The following IDE variants were observed in gnomAD, a reference collection of about 807,000 sequenced individuals.
IDE encodes the protein insulin degrading enzyme, also known as insulin-degrading enzyme.
In IDE, 58 loss-of-function variants were observed where a neutral mutation model predicts 133.2. The ratio of observed to expected loss-of-function variants is 0.44; its 90% CI spans 0.35 to 0.54. IDE has a LOEUF of 0.54. Ranked by LOEUF, IDE falls within the 20% of genes least tolerant of loss-of-function variation. The pLI, the probability that IDE is intolerant of heterozygous loss-of-function variation, is 0.00. For missense variants in IDE, 981 were observed against 1,234.0 expected (o/e 0.79, Z 3.07); for synonymous variants, 396 against 421.3 (o/e 0.94, Z 0.73).
chr10:92,490,528 A>C lies in IDE; in HGVS notation c.1498T>G (p.Tyr500Asp), dbSNP rs956031258. 6.2e-7 allele frequency: 1 copy of C among 1,612,100 alleles called. No individual in the cohort carries two copies. The highest frequency in any genetic ancestry group is 8.5e-7 in the Non-Finnish European group (1 of 1,178,278). ...TCATCCGGTATAGCTTCTTGTTTGTACTGGGTTCCATACCACTCTTCTGTG... is the reference window on the plus strand; with the variant it reads ...TCATCCGGTATAGCTTCTTGTTTGTCCTGGGTTCCATACCACTCTTCTGTG... ...DRTEEWYGTQ[Y>D]KQEAIPDEVI... Residue 500 changes from tyrosine (Y) to aspartate (D), a missense_variant, in exon 12 of 25, where the codon TAC becomes GAC. Tyr to Asp is a radical substitution (Grantham distance 160). Transcript: ENST00000265986.
chr10:92,493,764 T>C (rs1847512925), intron 11 of IDE, among the ~76,000 whole-genome samples: 1 of 152,154 alleles, frequency 6.6e-6, no homozygotes, highest in South Asian at 2.1e-4. Context: ...CAAAAAGAGA[T>C]ACCTTTGCAG....
intron 4 of IDE, among the ~76,000 whole-genome samples, chr10:92,531,255 C>T (rs541440678): frequency 2.6e-5 from 4 of 152,228 alleles, no homozygotes; most frequent in African/African-American, 9.6e-5. Context: ...CCTGTTATCC[C>T]CATTTCTTAT....
intron 1 of IDE, among the ~76,000 whole-genome samples, chr10:92,553,023 G>C (rs1842861977): frequency 2.0e-5 from 3 of 151,798 alleles, no homozygotes; most frequent in Non-Finnish European, 4.4e-5. Flanking sequence ...AACTCCTAAG[G>C]GTCCAAGCCA....
At chr10:92,482,344 G>A (rs2135421239) in intron 14 of IDE, among the ~76,000 whole-genome samples, 1 of 152,130 alleles carries the variant, frequency 6.6e-6, no homozygotes, top group East Asian at 1.9e-4. Context: ...ACACAAATAA[G>A]TAAAGGAAGA....
intron 5 of IDE, among the ~76,000 whole-genome samples, chr10:92,513,724 T>C (rs1848750652): frequency 6.6e-6 from 1 of 151,290 alleles, no homozygotes; most frequent in Non-Finnish European, 1.5e-5. Context: ...GAGAATATAT[T>C]AAGAATATCT....
chr10:92,534,182 G>A (rs12268712), intron 3 of IDE, among the ~76,000 whole-genome samples: 123 of 152,150 alleles, frequency 8.1e-4, no homozygotes, highest in African/African-American at 2.9e-3. Flanking sequence ...TGAAACAGCA[G>A]GTCAAAACGT....
chr10:92,518,721 T>C (rs1849055765), intron 4 of IDE, among the ~76,000 whole-genome samples: 1 of 152,200 alleles, frequency 6.6e-6, no homozygotes, highest in Non-Finnish European at 1.5e-5. Flanking sequence ...ACAAAAATTA[T>C]CAGAGGAATA....
At chr10:92,457,427 C>T (rs957955300) in intron 22 of IDE, among the ~76,000 whole-genome samples, 3 of 152,120 alleles carry the variant, frequency 2.0e-5, no homozygotes, top group Non-Finnish European at 4.4e-5. Context: ...TTACATGGGT[C>T]ACACAGTTCA....
intron 22 of IDE, among the ~76,000 whole-genome samples, chr10:92,458,603 G>C (rs932741070): frequency 1.4e-5 from 2 of 145,082 alleles, no homozygotes; most frequent in Non-Finnish European, 3.0e-5. Context: ...CTGGGTTCAA[G>C]TGATTCTCCT....
intron 1 of IDE, among the ~76,000 whole-genome samples, chr10:92,543,626 CAAAT>C (rs1429593830): frequency 6.6e-6 from 1 of 152,138 alleles, no homozygotes; most frequent in Admixed American, 6.5e-5. Flanking sequence ...TTATGATCAA[CAAAT>C]AAACCCTTAA....
At chr10:92,509,471 T>C (rs1848472700) in intron 6 of IDE, among the ~76,000 whole-genome samples, 1 of 151,966 alleles carries the variant, frequency 6.6e-6, no homozygotes, top group Non-Finnish European at 1.5e-5. Context: ...CATGCACCTA[T>C]AGTTCCAGCT....
intron 1 of IDE, among the ~76,000 whole-genome samples, chr10:92,566,887 G>C (rs796097678): frequency 6.6e-6 from 1 of 152,154 alleles, no homozygotes; most frequent in East Asian, 1.9e-4. Context: ...GCAGCAGCAA[G>C]AGCGTTACAG....
intron 1 of IDE, among the ~76,000 whole-genome samples, chr10:92,557,891 A>AAAAAAG: frequency 6.6e-6 from 1 of 151,692 alleles, no homozygotes; most frequent in African/African-American, 2.4e-5. Context: ...AAAAAAAAAA[A>AAAAAAG]AAGGATGCAA....
At chr10:92,573,336 T>C (rs1268536282) in intron 1 of IDE, among the ~76,000 whole-genome samples, 3 of 152,150 alleles carry the variant, frequency 2.0e-5, no homozygotes, top group African/African-American at 7.2e-5. Context: ...GATCCCGAGG[T>C]ATCTTTTGGC....
In IDE at chr10:92,474,964, A is replaced by G; in HGVS notation, c.1996-3T>C. On this transcript the variant is annotated splice_region_variant and splice_polypyrimidine_tract_variant and intron_variant, in intron 16 of 24. Coordinates refer to ENST00000265986, the MANE Select transcript of IDE (RefSeq NM_004969.4). ...AAATTGTTAAGAGATCGCATATACTAGTGAAAGAGACATGCGTTCATTAAT... is the reference window on the plus strand; with the variant it reads ...AAATTGTTAAGAGATCGCATATACTGGTGAAAGAGACATGCGTTCATTAAT... The G allele has an allele frequency of 6.3e-7, 1 of 1,594,378 alleles. No individual in the cohort carries two copies. Among genetic ancestry groups the G allele is most frequent in the Non-Finnish European group, 8.5e-7 (1 of 1,172,996 alleles).
intron 17 of IDE, among the ~76,000 whole-genome samples, chr10:92,473,807 C>A (rs1396046204): frequency 6.6e-6 from 1 of 151,998 alleles, no homozygotes; most frequent in Non-Finnish European, 1.5e-5. Flanking sequence ...ATGGTGAAAC[C>A]CTGTCCCTAC....
chr10:92,553,836 T>C (rs1045357838), intron 1 of IDE, among the ~76,000 whole-genome samples: 1 of 152,060 alleles, frequency 6.6e-6, no homozygotes, highest in African/African-American at 2.4e-5. Context: ...GAAGCCATAA[T>C]AAAAAGTCTC....
rs1843450282 is a variant in IDE, at chr10:92,564,763, G to C, written c.98+9159C>G. On this transcript the variant is annotated intron_variant, in intron 1 of 24. Coordinates refer to ENST00000265986, the MANE Select transcript of IDE (RefSeq NM_004969.4). ...CCATAAGATCAAGTGGGAAGAATCA[G>C]AAATATGTAAACAGTTGGGTGTGAT... is the stretch of plus-strand genomic sequence containing the variant. 6.1e-5 allele frequency among the ~76,000 whole-genome samples: 8 copies of C among 131,678 alleles called. 1 individual carries two copies. The South Asian group carries it at 2.0e-3, about 32-fold the overall frequency. 86.4% of individuals were successfully genotyped at this position (131,678 alleles called of 152,430 possible).
chr10:92,526,323 T>A (rs1368281334), intron 4 of IDE, among the ~76,000 whole-genome samples: 4 of 151,974 alleles, frequency 2.6e-5, no homozygotes, highest in Non-Finnish European at 5.9e-5. Flanking sequence ...ACAGATTCAA[T>A]GCAACCCCTA....
Sources: gnomAD v4.1 joint callset for allele counts (sites outside exome capture counted in the v4.1 genomes callset) on GRCh38, gnomAD v4.1.1 for gene constraint, MANE v1.5 for transcripts, NCBI Gene and HGNC (gene_info 2026-07-23, HGNC 2026-07-21) for gene names.